Variants in SASH1 observed in about 807,000 individuals in gnomAD.
The protein encoded by SASH1 is SAM and SH3 domain containing 1.
SASH1 carries 44 observed loss-of-function variants against 125.2 expected under a neutral mutation model. The ratio of observed to expected loss-of-function variants is 0.35; its 90% CI spans 0.28 to 0.45. SASH1 has a LOEUF of 0.45. Ranked by LOEUF, SASH1 falls within the 20% of genes least tolerant of loss-of-function variation. The probability of loss-of-function intolerance (pLI) is 1.00; values close to 1 mark genes in which losing one functional copy is unlikely to be tolerated. For missense variants in SASH1, 1,426 were observed against 1,614.5 expected, an observed-to-expected ratio of 0.88 and a Z score of 2.00; for synonymous variants, 639 against 649.1, an observed-to-expected ratio of 0.98 and a Z score of 0.24.
intron 8 of SASH1, chr6:148,508,476 C>A: frequency 1.0e-6 from 1 of 1,000,106 alleles, no homozygotes; most frequent in Non-Finnish European, 1.2e-6. Flanking sequence ...TGGAGGCCAG[C>A]AGGAGGTCAG....
intron 5 of SASH1, 161 bp downstream of exon 5, chr6:148,468,746 T>TA (rs576009342): frequency 7.4e-6 from 4 of 540,546 alleles, no homozygotes; most frequent in East Asian, 6.2e-5. Context: ...TAGGCAGTTT[T>TA]AAAAAAATAT....
chr6:148,482,455 C>T (rs979393240), intron 7 of SASH1, among the ~76,000 whole-genome samples: 1 of 151,906 alleles, frequency 6.6e-6, no homozygotes, highest in Non-Finnish European at 1.5e-5. Flanking sequence ...GAAATAAAGT[C>T]CTTTGGAGAT....
At position 148,368,770 on chromosome 6, in the gene SASH1, G is replaced by GCA. The variant is rs377455429; in HGVS notation, c.157-21340_157-21339dup. 4.7e-3 allele frequency among the ~76,000 whole-genome samples: 638 copies of GCA among 135,736 alleles called. 5 individuals carry two copies. Among genetic ancestry groups the GCA allele is most frequent in the Non-Finnish European group, 5.8e-3 (363 of 62,268 alleles). The allele number at this position is 135,736 out of a possible 152,430, so 89.0% of individuals were successfully genotyped here. On this transcript the variant is annotated intron_variant, in intron 1 of 19. Transcript: ENST00000367467. ...CCCCCACATGCGCGCGCACGCGCGC[G>GCA]CACACACACACACACACACACACAC...
the SASH1 span, among the ~76,000 whole-genome samples, chr6:148,251,826 T>A: frequency 1.2e-5 from 1 of 80,206 alleles, no homozygotes; most frequent in Non-Finnish European, 2.4e-5. Context: ...ATGCTATCCC[T>A]CCCCCCTCCC....
At chr6:148,409,197 G>A (rs1296729688) in intron 2 of SASH1, among the ~76,000 whole-genome samples, 1 of 152,176 alleles carries the variant, frequency 6.6e-6, no homozygotes, top group Non-Finnish European at 1.5e-5. Context: ...GCATCTGGAT[G>A]GCTGGGTTTA....
At chr6:148,249,675 T>G in the SASH1 span, among the ~76,000 whole-genome samples, 1 of 152,208 alleles carries the variant, frequency 6.6e-6, no homozygotes, top group Non-Finnish European at 1.5e-5. Context: ...GAGGTAATGA[T>G]GGCAAACTCT....
intron 2 of SASH1, among the ~76,000 whole-genome samples, chr6:148,409,678 G>A (rs1784537264): frequency 6.6e-6 from 1 of 152,236 alleles, no homozygotes; most frequent in African/African-American, 2.4e-5. Flanking sequence ...GCTCACGCCT[G>A]TAATCCCAGC....
At chr6:148,363,488 A>G (rs891697142) in intron 1 of SASH1, among the ~76,000 whole-genome samples, 1 of 151,246 alleles carries the variant, frequency 6.6e-6, no homozygotes, top group African/African-American at 2.4e-5. Flanking sequence ...TGCAACCTGC[A>G]CCTCCCAGAT....
In SASH1 at chr6:148,544,014, T is replaced by A; in HGVS notation, c.2544T>A (p.Gly848=). The change falls in exon 18 of 20, where the codon GGT becomes GGA. Residue 848 remains glycine, a synonymous_variant. Coordinates refer to ENST00000367467, the MANE Select transcript of SASH1 (RefSeq NM_015278.5). The surrounding 1 kb of genome is among the most constrained non-coding windows in gnomAD (Gnocchi z 6.4). ...HSLDDLQVEP[G]AEQDVPTEVT... ...TGGATGACCTTCAAGTGGAGCCTGG[T>A]GCTGAGCAAGACGTGCCTACCGAGG... is the stretch of plus-strand genomic sequence containing the variant. The A allele has an allele frequency of 6.2e-7, 1 of 1,614,130 alleles. No individual in the cohort carries two copies. The highest frequency in any genetic ancestry group is 1.7e-5 in the Admixed American group (1 of 60,020).
At chr6:148,320,641 G>C (rs892695655) in intron 1 of SASH1, among the ~76,000 whole-genome samples, 3 of 152,222 alleles carry the variant, frequency 2.0e-5, no homozygotes, top group Admixed American at 2.0e-4. Context: ...AAGGTGGAAA[G>C]TGTTTGACCA....
chr6:148,511,687 G>GA (rs1467885301), intron 8 of SASH1, among the ~76,000 whole-genome samples: 2 of 152,196 alleles, frequency 1.3e-5, no homozygotes, highest in African/African-American at 4.8e-5. Flanking sequence ...CTGGGCAGAG[G>GA]AAAGTAGGAT....
chr6:148,502,221 T>A (rs980654212), intron 8 of SASH1, among the ~76,000 whole-genome samples: 4 of 152,226 alleles, frequency 2.6e-5, no homozygotes, highest in African/African-American at 9.6e-5. Context: ...GGGAGAAGAA[T>A]GGAATCTCAT....
At chr6:148,243,651 CAAAAAAAAA>C in the SASH1 span, among the ~76,000 whole-genome samples, 31 of 70,322 alleles carry the variant, frequency 4.4e-4, no homozygotes, top group South Asian at 1.4e-3. Flanking sequence ...AACTGTGTCT[CAAAAAAAAA>C]AAAAAAAAAA....
chr6:148,407,779 C>G (rs886984297), intron 2 of SASH1, among the ~76,000 whole-genome samples: 1 of 152,052 alleles, frequency 6.6e-6, no homozygotes, highest in South Asian at 2.1e-4. Context: ...ACTACAGGCG[C>G]GCACCACCAC....
chr6:148,246,142 C>G, the SASH1 span, among the ~76,000 whole-genome samples: 1 of 152,162 alleles, frequency 6.6e-6, no homozygotes, highest in Non-Finnish European at 1.5e-5. Context: ...CTGTCTCTCT[C>G]TCCTCTCTCT....
rs199956547 is a variant in SASH1, at chr6:148,510,499, A to G, written c.730-3825A>G. Among the ~76,000 whole-genome samples, 10 of 152,334 alleles carry G rather than the reference A, an allele frequency of 6.6e-5. No individual in the cohort carries two copies. The East Asian group carries it at 1.9e-3, about 29-fold the overall frequency. On this transcript the variant is annotated intron_variant, in intron 8 of 19. Transcript: ENST00000367467. ...TTAACTTTAGTTTAAAACCTGTTCT[A>G]TAACAGTGCTGAACCTATTTCTTAG...
In SASH1 at chr6:148,343,199, C is replaced by T; in HGVS notation, c.132C>T (p.Leu44=). 1 of 1,599,030 alleles carries T rather than the reference C, an allele frequency of 6.3e-7. No individual in the cohort carries two copies. Among genetic ancestry groups the T allele is most frequent in the Non-Finnish European group, 8.5e-7 (1 of 1,178,544 alleles). The stretch of plus-strand genomic sequence containing the variant: ...GCACATCCGAGGCGTTCTCCCGACT[C>T]TGGACCGACGTGATGGGTATCCTGG... ...GAGTSEAFSR[L]WTDVMGILDG... The change falls in exon 1 of 20, where the codon CTC becomes CTT. Residue 44 remains leucine (L), a synonymous_variant. Coordinates refer to ENST00000367467, the MANE Select transcript of SASH1 (RefSeq NM_015278.5).
chr6:148,304,393 C>T (rs1780062310), intron 1 of SASH1, among the ~76,000 whole-genome samples: 1 of 150,992 alleles, frequency 6.6e-6, no homozygotes. Flanking sequence ...CAAGATCGCG[C>T]CACTGCACTC....
chr6:148,442,610 A>C (rs191789661), intron 4 of SASH1, among the ~76,000 whole-genome samples: 4 of 151,918 alleles, frequency 2.6e-5, no homozygotes, highest in Admixed American at 2.6e-4. Context: ...TAAATGGTAG[A>C]CATCATGATT....
Sources: allele counts gnomAD v4.1 joint callset (sites outside exome capture counted in the v4.1 genomes callset), GRCh38; gene constraint gnomAD v4.1.1; non-coding constraint Gnocchi (gnomAD v3.1); transcripts MANE v1.5; gene names NCBI Gene and HGNC (gene_info 2026-07-23, HGNC 2026-07-21).